RSRP1: variants seen among roughly 807,000 people sequenced by gnomAD.
RSRP1 encodes the protein arginine and serine rich protein 1.
RSRP1 carries 37 observed loss-of-function variants against 33.0 expected under a neutral mutation model. That is an observed-to-expected ratio of 1.12 (90% CI 0.86 to 1.48). The LOEUF is 1.48. Among genes scored for constraint, RSRP1 ranks in the 40% most tolerant of loss-of-function variants. The pLI is 0.00. For synonymous variants in RSRP1, 167 were observed against 158.7 expected (o/e 1.05, Z -0.40); for missense variants, 402 against 385.3 (o/e 1.04, Z -0.36).
chr1:25,279,219 C>T lies in RSRP1; in HGVS notation c.-66-32190G>A, dbSNP rs553611127. On this transcript the variant is annotated intron_variant, in intron 1 of 1. Coordinates refer to the RSRP1 transcript ENST00000561867. ...TGCCTAAAGTCACACCGCTAATCAG[C>T]GGCCGGCACGGGGTAACAGTTACTA... 1.1e-4 allele frequency among the ~76,000 whole-genome samples: 14 copies of T among 126,278 alleles called. 1 individual carries two copies. The highest frequency in any genetic ancestry group is 3.6e-4 in the African/African-American group (13 of 36,484). 82.8% of individuals were successfully genotyped at this position (126,278 alleles called of 152,430 possible).
chr1:25,278,611 C>T (rs1395150823), intron 1 of RSRP1, among the ~76,000 whole-genome samples: 1 of 131,034 alleles, frequency 7.6e-6, no homozygotes, highest in Non-Finnish European at 1.8e-5. Flanking sequence ...CTGTAACAAT[C>T]GCCTACCAGG....
At chr1:25,272,857 TG>T (rs1033763157) in intron 1 of RSRP1, among the ~76,000 whole-genome samples, 1 of 131,542 alleles carries the variant, frequency 7.6e-6, no homozygotes, top group African/African-American at 2.6e-5. Context: ...CAGCCAACAA[TG>T]TAAGCTTTCC....
In RSRP1 at chr1:25,242,551, G is replaced by T; in HGVS notation, c.*38C>A. On this transcript the variant is annotated 3_prime_UTR_variant, in exon 5 of 5. Coordinates refer to ENST00000243189, the MANE Select transcript of RSRP1 (RefSeq NM_020317.5). ...TAGAAACACTAACTTGCAATAAAGT[G>T]CAGTTTTCATGCAAACTTAGCCATC... 8.0e-7 allele frequency: 1 copy of T among 1,249,124 alleles called. No homozygotes were observed. Among genetic ancestry groups the T allele is most frequent in the Non-Finnish European group, 1.2e-6 (1 of 861,930 alleles). The allele number at this position is 1,249,124 out of a possible 1,614,324, so 77.4% of individuals were successfully genotyped here.
chr1:25,289,685 C>T (rs1642325239), intron 1 of RSRP1, among the ~76,000 whole-genome samples: 1 of 125,858 alleles, frequency 7.9e-6, no homozygotes, highest in Admixed American at 7.7e-5. Flanking sequence ...CAGCTCAGTA[C>T]CACTTCCTCC....
intron 1 of RSRP1, among the ~76,000 whole-genome samples, chr1:25,285,537 C>G (rs28563842): frequency 0.014 from 1,878 of 134,952 alleles, 237 homozygotes; most frequent in African/African-American, 0.046. Context: ...GCTTTGTTTA[C>G]ATGCATTTGT....
At chr1:25,286,976 C>T (rs1642074030) in intron 1 of RSRP1, among the ~76,000 whole-genome samples, 1 of 133,610 alleles carries the variant, frequency 7.5e-6, no homozygotes, top group Non-Finnish European at 1.8e-5. Context: ...ACCTGTAATC[C>T]CAGCTACTTG....
At chr1:25,243,834 TA>T in intron 3 of RSRP1, 1 of 1,289,078 alleles carries the variant, frequency 7.8e-7, no homozygotes, top group Non-Finnish European at 9.8e-7. Flanking sequence ...ACTCTTCCCA[TA>T]ATTATTTTAC....
intron 1 of RSRP1, among the ~76,000 whole-genome samples, chr1:25,275,021 A>G (rs144839008): frequency 3.9e-5 from 5 of 128,638 alleles, no homozygotes; most frequent in South Asian, 2.4e-4. Flanking sequence ...GGGTGTGGTG[A>G]CTCATGCCTG....
intron 1 of RSRP1, among the ~76,000 whole-genome samples, chr1:25,324,435 T>TAA (rs1390725648): frequency 2.7e-5 from 4 of 150,146 alleles, no homozygotes; most frequent in Admixed American, 2.6e-4. Flanking sequence ...ATGTATTATG[T>TAA]AATGTATTAT....
chr1:25,270,517 T>A (rs1335615678), intron 1 of RSRP1, among the ~76,000 whole-genome samples: 2 of 131,784 alleles, frequency 1.5e-5, no homozygotes, highest in African/African-American at 2.6e-5. Context: ...TAATGCCTGA[T>A]GATCTGAGGT....
At chr1:25,318,275 AAAAAAAAG>A (rs1258236457) in intron 1 of RSRP1, 2 of 129,512 alleles carry the variant, frequency 1.5e-5, no homozygotes, top group Admixed American at 7.6e-5. Flanking sequence ...ACTCTGTCTA[AAAAAAAAG>A]AAAAAAAGAA....
At chr1:25,292,258 G>A (rs1642572850) in intron 1 of RSRP1, among the ~76,000 whole-genome samples, 1 of 132,386 alleles carries the variant, frequency 7.6e-6, no homozygotes, top group East Asian at 2.0e-4. Context: ...GGAGAACTAG[G>A]GAGTGTTGGG....
chr1:25,280,055 A>AG lies in RSRP1; in HGVS notation c.-66-33027dup, dbSNP rs763417678. Among the ~76,000 whole-genome samples the AG allele has an allele frequency of 1.4e-4, 18 of 129,624 alleles. No individual in the cohort carries two copies. In the East Asian group the frequency reaches 3.3e-3, roughly 24 times the overall value. 85.0% of individuals were successfully genotyped at this position (129,624 alleles called of 152,430 possible). A position where few individuals can be genotyped will look rare whatever the true frequency, so the allele number is the denominator to read the frequency against. ...AGGAGAAGTGGGAGGATGAGGGGGC[A>AG]GGGGGAGGAGAAGCCTGAAATCAAA... On this transcript the variant is annotated intron_variant, in intron 1 of 1. Coordinates refer to the RSRP1 transcript ENST00000561867.
rs1330431675 is a variant in RSRP1 at position 25,280,834 on chromosome 1, C to T, written c.-66-33805G>A. ...CTATGTTGCCTAGGCTGGTCTTGAACTCCTCAGCTCAAGCAATCCTCCCTC... is the reference window on the plus strand; with the variant it reads ...CTATGTTGCCTAGGCTGGTCTTGAATTCCTCAGCTCAAGCAATCCTCCCTC... On this transcript the variant is annotated intron_variant, in intron 1 of 1. Transcript: ENST00000561867. Among the ~76,000 whole-genome samples, 8 of 131,652 alleles carry T rather than the reference C, an allele frequency of 6.1e-5. 3 individuals carry two copies. The highest frequency in any genetic ancestry group is 1.4e-4 in the Non-Finnish European group (8 of 55,718). The allele number at this position is 131,652 out of a possible 152,430, so 86.4% of individuals were successfully genotyped here.
chr1:25,256,351 T>C (rs899448512), intron 1 of RSRP1, among the ~76,000 whole-genome samples: 2 of 152,156 alleles, frequency 1.3e-5, no homozygotes, highest in Admixed American at 6.5e-5. Flanking sequence ...GTAAAGTCCA[T>C]GTAGCCCAGG....
At chr1:25,245,324 T>C (rs764684726) in intron 2 of RSRP1, 23 bp from the exon 3 acceptor site, 7 of 1,592,474 alleles carry the variant, frequency 4.4e-6, no homozygotes, top group Non-Finnish European at 6.0e-6. Flanking sequence ...GAGAGAGATT[T>C]TAAAATACTC....
At position 25,287,756 on chromosome 1, in the gene RSRP1, C is replaced by G. The variant is rs555559771; in HGVS notation, c.-66-40727G>C. ...ATTTTTTTAGAGACAGGGTCTTGCT[C>G]TGTTGCCCAGTCTGGAGTGCAGTGG... On this transcript the variant is annotated intron_variant, in intron 1 of 1. Coordinates refer to the RSRP1 transcript ENST00000561867. Among the ~76,000 whole-genome samples, 77 of 135,352 alleles carry G rather than the reference C, an allele frequency of 5.7e-4. No individual in the cohort carries two copies. In the East Asian group the frequency reaches 0.013, roughly 23 times the overall value. The allele number at this position is 135,352 out of a possible 152,430, so 88.8% of individuals were successfully genotyped here.
chr1:25,278,943 C>G (rs2124601973), intron 1 of RSRP1, among the ~76,000 whole-genome samples: 1 of 129,244 alleles, frequency 7.7e-6, no homozygotes, highest in East Asian at 2.0e-4. Flanking sequence ...GCAGTGGGAG[C>G]ACAGGGTGGA....
chr1:25,243,547 T>TA lies in RSRP1; in HGVS notation c.756+2dup. On this transcript the variant is annotated splice_region_variant and intron_variant, in intron 4 of 4. Transcript: ENST00000243189. The stretch of plus-strand genomic sequence containing the variant: ...TGAGTGTTCAATGCCTGGATATACT[T>TA]ACATTAGAGCTAAAAGCTATGCTTC... 6.2e-7 allele frequency: 1 copy of TA among 1,613,378 alleles called. No homozygotes were observed. Among genetic ancestry groups the TA allele is most frequent in the Non-Finnish European group, 8.5e-7 (1 of 1,179,616 alleles).
Sources: allele counts gnomAD v4.1 joint callset (sites outside exome capture counted in the v4.1 genomes callset), GRCh38; gene constraint gnomAD v4.1.1; transcripts MANE v1.5; gene names NCBI Gene and HGNC (gene_info 2026-07-23, HGNC 2026-07-21).